Variants in RUBCN observed in about 807,000 individuals in gnomAD.
RUBCN encodes rubicon autophagy regulator, also known as run domain Beclin-1-interacting and cysteine-rich domain-containing protein.
A neutral mutation model predicts 113.2 loss-of-function variants in RUBCN; 74 were observed. The observed-to-expected ratio is 0.65, with a 90% CI of 0.54 to 0.79. The LOEUF (loss-of-function observed/expected upper bound fraction) is 0.79. RUBCN is among the 30% of genes least tolerant of loss of function. RUBCN has a pLI of 0.00. For synonymous variants in RUBCN, 480 were observed against 490.0 expected (o/e 0.98, Z 0.27); for missense variants, 1,109 against 1,251.7 (o/e 0.89, Z 1.72).
chr3:197,723,226 C>A (rs1341417902), intron 1 of RUBCN, among the ~76,000 whole-genome samples: 1 of 152,156 alleles, frequency 6.6e-6, no homozygotes, highest in African/African-American at 2.4e-5. Context: ...CTCACCCAGG[C>A]AGGACTGCAG....
At chr3:197,746,379 C>G (rs1169928729) in intron 1 of RUBCN, among the ~76,000 whole-genome samples, 1 of 152,126 alleles carries the variant, frequency 6.6e-6, no homozygotes, top group Non-Finnish European at 1.5e-5. Flanking sequence ...TCTCAGGGGT[C>G]TTATCTCTGG....
chr3:197,701,073 T>C lies in RUBCN; in HGVS notation c.801A>G (p.Pro267=). ...GGGCTTGGATGGTTTGATCCTCTGC[T>C]GGTGAGACGTGCCCTCTGCTTTCTT... is the stretch of plus-strand genomic sequence containing the variant. ...KPQESRGHVS[P]AEDQTIQAPP... Residue 267 remains proline, a synonymous_variant, in exon 7 of 20, where the codon CCA becomes CCG. Transcript: ENST00000296343. 4.4e-6 allele frequency: 7 copies of C among 1,608,648 alleles called. No individual in the cohort carries two copies. The highest frequency in any genetic ancestry group is 6.0e-6 in the Non-Finnish European group (7 of 1,176,194).
rs1308562037 is a variant in RUBCN at position 197,674,895 on chromosome 3, AG to A, written c.*122del. 2.1e-4 allele frequency: 155 copies of A among 736,634 alleles called. No homozygotes were observed. In the Middle Eastern group the frequency reaches 3.3e-3, roughly 16 times the overall value. The allele number at this position is 736,634 out of a possible 1,614,324, so 45.6% of individuals were successfully genotyped here. A position where few individuals can be genotyped will look rare whatever the true frequency, so the allele number is the denominator to read the frequency against. ...GACAAGTCAGTAAAAAAAAAAAAAA[AG>A]ATGATGATAATTAAAAAAAAAAAAA... On this transcript the variant is annotated 3_prime_UTR_variant, in exon 20 of 20. Transcript: ENST00000296343.
intron 7 of RUBCN, chr3:197,699,329 G>A: frequency 3.6e-6 from 3 of 840,898 alleles, no homozygotes; most frequent in Non-Finnish European, 3.9e-6. Context: ...AGCAGAAGTG[G>A]GGATGGAACT....
At chr3:197,745,471 T>C (rs1728703991) in intron 1 of RUBCN, among the ~76,000 whole-genome samples, 1 of 146,842 alleles carries the variant, frequency 6.8e-6, no homozygotes, top group Admixed American at 6.9e-5. Flanking sequence ...CAAAATTAGC[T>C]CAGCATGGTG....
chr3:197,705,920 G>T (rs1320130739), intron 2 of RUBCN, among the ~76,000 whole-genome samples: 1 of 152,076 alleles, frequency 6.6e-6, no homozygotes, highest in South Asian at 2.1e-4. Flanking sequence ...TAGAGATGGG[G>T]TTTTACCATG....
At chr3:197,733,379 G>A (rs1264567401) in intron 1 of RUBCN, among the ~76,000 whole-genome samples, 2 of 152,180 alleles carry the variant, frequency 1.3e-5, no homozygotes, top group African/African-American at 2.4e-5. Flanking sequence ...CTACTGAGGA[G>A]GCTGAGGTGG....
intron 11 of RUBCN, among the ~76,000 whole-genome samples, chr3:197,690,214 C>T (rs1467544406): frequency 6.6e-6 from 1 of 152,186 alleles, no homozygotes; most frequent in Non-Finnish European, 1.5e-5. Context: ...CCGAGGCAGG[C>T]AGATGACGAG....
chr3:197,684,048 T>G (rs887446289), intron 12 of RUBCN, 109 bp downstream of exon 12: 7 of 862,346 alleles, frequency 8.1e-6, no homozygotes, highest in Non-Finnish European at 1.4e-5. Context: ...TAACCTCGCC[T>G]CCTCTTACAT....
Position 197,705,135 on chromosome 3 carries a change from T to A in RUBCN, c.260A>T (p.Asp87Val). Residue 87 changes from aspartate to valine, a missense_variant, in exon 3 of 20, where the codon GAC becomes GTC. Physicochemically the swap from Asp to Val is radical, Grantham distance 152 (BLOSUM62 -3). This residue lies in a region of RUBCN where 736 missense variants were observed against 779.6 expected (regional missense o/e 0.94). Coordinates refer to ENST00000296343, the MANE Select transcript of RUBCN (RefSeq NM_014687.4). ...RQTDYWQFVK[D>V]IRWLSPHSAL... ...TGAGTGGGGACTGAGCCACCGGATG[T>A]CTTTCACGAACTGCCAGTAATCCGT... 1.9e-6 allele frequency: 3 copies of A among 1,614,164 alleles called. No individual in the cohort carries two copies. The highest frequency in any genetic ancestry group is 2.5e-6 in the Non-Finnish European group (3 of 1,180,020).
chr3:197,713,363 C>T (rs1280110380), intron 2 of RUBCN, among the ~76,000 whole-genome samples: 1 of 152,182 alleles, frequency 6.6e-6, no homozygotes, highest in Non-Finnish European at 1.5e-5. Context: ...AACCCATTTG[C>T]TATTAGGACA....
At chr3:197,721,623 T>G (rs962186914) in intron 1 of RUBCN, among the ~76,000 whole-genome samples, 8 of 152,134 alleles carry the variant, frequency 5.3e-5, no homozygotes, top group Non-Finnish European at 1.2e-4. Flanking sequence ...TATTATTTCT[T>G]TCCTTCTACT....
chr3:197,695,476 T>C (rs976790017), intron 9 of RUBCN, among the ~76,000 whole-genome samples: 1 of 152,262 alleles, frequency 6.6e-6, no homozygotes, highest in Middle Eastern at 3.4e-3. Context: ...TGGTGCATGT[T>C]TGTAGTCCCA....
At chr3:197,731,730 G>A (rs887418991) in intron 1 of RUBCN, among the ~76,000 whole-genome samples, 9 of 149,718 alleles carry the variant, frequency 6.0e-5, no homozygotes, top group African/African-American at 2.2e-4. Context: ...CCCGGATGGG[G>A]CGACTGGCCG....
At chr3:197,724,955 G>A (rs902365079) in intron 1 of RUBCN, among the ~76,000 whole-genome samples, 1 of 152,140 alleles carries the variant, frequency 6.6e-6, no homozygotes, top group Non-Finnish European at 1.5e-5. Flanking sequence ...TGAGGCAGGT[G>A]CATTGCTTGA....
chr3:197,748,608 G>A (rs1030765521), intron 1 of RUBCN, among the ~76,000 whole-genome samples: 5 of 152,184 alleles, frequency 3.3e-5, no homozygotes, highest in African/African-American at 1.2e-4. Flanking sequence ...CATAATCTGT[G>A]TGAAGACTCC....
intron 2 of RUBCN, among the ~76,000 whole-genome samples, chr3:197,713,390 T>G (rs1169732497): frequency 1.3e-5 from 2 of 152,150 alleles, no homozygotes; most frequent in African/African-American, 4.8e-5. Flanking sequence ...CCTGACCCAT[T>G]GAGTGGCAGT....
At chr3:197,726,563 A>C (rs1030342701) in intron 1 of RUBCN, among the ~76,000 whole-genome samples, 1 of 123,656 alleles carries the variant, frequency 8.1e-6, no homozygotes, top group Non-Finnish European at 1.8e-5. Flanking sequence ...TTTCTGAGAC[A>C]GAGTCTCGCT....
intron 1 of RUBCN, among the ~76,000 whole-genome samples, chr3:197,722,344 A>T (rs1441045766): frequency 6.6e-6 from 1 of 152,002 alleles, no homozygotes; most frequent in Non-Finnish European, 1.5e-5. Context: ...TATATCCTGG[A>T]GATGGTTCCA....
Sources: gnomAD v4.1 joint callset for allele counts (sites outside exome capture counted in the v4.1 genomes callset) on GRCh38, gnomAD v4.1.1 for gene constraint, gnomAD v4.1.1 regional missense constraint, MANE v1.5 for transcripts, NCBI Gene and HGNC (gene_info 2026-07-23, HGNC 2026-07-21) for gene names.